The following RTN1 variants were observed in gnomAD, a reference collection of about 807,000 sequenced individuals.
RTN1 encodes the protein reticulon-1.
RTN1 carries 25 observed loss-of-function variants against 65.5 expected under a neutral mutation model. The ratio of observed to expected loss-of-function variants is 0.38; its 90% CI spans 0.28 to 0.53. The LOEUF (loss-of-function observed/expected upper bound fraction) is 0.53. Ranked by LOEUF, RTN1 falls within the 20% of genes least tolerant of loss-of-function variation. The pLI is 0.79. For missense variants in RTN1, 983 were observed against 1,025.4 expected, an observed-to-expected ratio of 0.96 and a Z score of 0.57; for synonymous variants, 471 against 447.6, an observed-to-expected ratio of 1.05 and a Z score of -0.66.
At chr14:59,702,905 C>T (rs1419872631) in intron 3 of RTN1, among the ~76,000 whole-genome samples, 1 of 152,208 alleles carries the variant, frequency 6.6e-6, no homozygotes, top group Non-Finnish European at 1.5e-5. Context: ...CTTCCAGCCA[C>T]CCTGGCTTCC....
intron 1 of RTN1, among the ~76,000 whole-genome samples, chr14:59,823,558 T>C (rs1381772151): frequency 3.3e-5 from 5 of 152,146 alleles, no homozygotes; most frequent in African/African-American, 9.7e-5. Context: ...AAAAAATTCT[T>C]GGTTGGAATT....
intron 3 of RTN1, among the ~76,000 whole-genome samples, chr14:59,700,086 G>A (rs1884146993): frequency 6.6e-6 from 1 of 151,968 alleles, no homozygotes; most frequent in Non-Finnish European, 1.5e-5. Flanking sequence ...AATGAATATG[G>A]CTTCATTCTG....
intron 8 of RTN1, among the ~76,000 whole-genome samples, chr14:59,597,530 T>C (rs1881440349): frequency 6.6e-6 from 1 of 152,228 alleles, no homozygotes; most frequent in South Asian, 2.1e-4. Context: ...CTCTGTGCCA[T>C]GAGGTACCCT....
chr14:59,708,975 A>C (rs1460816113), intron 3 of RTN1, among the ~76,000 whole-genome samples: 1 of 152,168 alleles, frequency 6.6e-6, no homozygotes, highest in East Asian at 1.9e-4. Flanking sequence ...AAGTTGAGAG[A>C]TTTTTGCTCA....
At chr14:59,738,814 C>T (rs1222741855) in intron 2 of RTN1, among the ~76,000 whole-genome samples, 1 of 152,192 alleles carries the variant, frequency 6.6e-6, no homozygotes, top group African/African-American at 2.4e-5. Flanking sequence ...GAATACTATG[C>T]ATCCATAAAA....
At chr14:59,667,316 A>G (rs1883401328) in intron 3 of RTN1, among the ~76,000 whole-genome samples, 1 of 152,210 alleles carries the variant, frequency 6.6e-6, no homozygotes, top group African/African-American at 2.4e-5. Flanking sequence ...TATGCAAATC[A>G]ATAAATGTAA....
At chr14:59,654,769 C>G (rs1374163242) in intron 3 of RTN1, among the ~76,000 whole-genome samples, 1 of 151,962 alleles carries the variant, frequency 6.6e-6, no homozygotes, top group Admixed American at 6.6e-5. Context: ...AAAACGACAA[C>G]AAGAACAACA....
At chr14:59,838,925 A>G (rs1018857611) in intron 1 of RTN1, among the ~76,000 whole-genome samples, 1 of 152,130 alleles carries the variant, frequency 6.6e-6, no homozygotes, top group Non-Finnish European at 1.5e-5. Flanking sequence ...TAAATATTGC[A>G]ATTTCCCTCC....
intron 1 of RTN1, among the ~76,000 whole-genome samples, chr14:59,853,408 A>G (rs752922085): frequency 5.3e-5 from 8 of 152,164 alleles, no homozygotes; most frequent in Non-Finnish European, 1.2e-4. Context: ...AGTCACATAA[A>G]CATGCCCAGA....
intron 3 of RTN1, among the ~76,000 whole-genome samples, chr14:59,623,134 T>C (rs1285800830): frequency 6.6e-6 from 1 of 152,248 alleles, no homozygotes; most frequent in African/African-American, 2.4e-5. Flanking sequence ...GCTGCTTTTC[T>C]TCCACGAGAG....
chr14:59,617,932 C>A (rs1441065915), intron 3 of RTN1, among the ~76,000 whole-genome samples: 4 of 152,258 alleles, frequency 2.6e-5, no homozygotes, highest in African/African-American at 7.2e-5. Flanking sequence ...CAATCAATGG[C>A]CTTGTCCCAT....
intron 1 of RTN1, among the ~76,000 whole-genome samples, chr14:59,789,850 A>G (rs1446882265): frequency 6.6e-6 from 1 of 152,118 alleles, no homozygotes; most frequent in Admixed American, 6.6e-5. Context: ...AAGAACTGAT[A>G]GGTATCAAAA....
At chr14:59,703,036 A>G (rs1026256975) in intron 3 of RTN1, among the ~76,000 whole-genome samples, 1 of 151,912 alleles carries the variant, frequency 6.6e-6, no homozygotes, top group Non-Finnish European at 1.5e-5. Context: ...CCTTCCTTAA[A>G]TCTTTGCTCC....
chr14:59,726,448 C>G (rs1178324163), intron 3 of RTN1, among the ~76,000 whole-genome samples: 1 of 152,156 alleles, frequency 6.6e-6, no homozygotes, highest in Non-Finnish European at 1.5e-5. Context: ...AAGGATGGAG[C>G]TGAGCTCCAT....
At chr14:59,698,201 G>C (rs1370750010) in intron 3 of RTN1, among the ~76,000 whole-genome samples, 4 of 152,144 alleles carry the variant, frequency 2.6e-5, no homozygotes. Flanking sequence ...ATGTTCATAA[G>C]ATTTTTAAAA....
intron 3 of RTN1, among the ~76,000 whole-genome samples, chr14:59,622,754 T>G (rs1020733103): frequency 1.3e-5 from 2 of 152,194 alleles, no homozygotes; most frequent in Non-Finnish European, 2.9e-5. Context: ...CTTCTAGTCA[T>G]GAGTTTCATT....
At chr14:59,606,775 T>C (rs1216157568) in intron 4 of RTN1, among the ~76,000 whole-genome samples, 1 of 152,202 alleles carries the variant, frequency 6.6e-6, no homozygotes, top group Non-Finnish European at 1.5e-5. Context: ...TATAAAAATG[T>C]AGAGGAGGAT....
At chr14:59,770,751 T>A (rs1045866816) in intron 1 of RTN1, among the ~76,000 whole-genome samples, 1 of 152,116 alleles carries the variant, frequency 6.6e-6, no homozygotes, top group African/African-American at 2.4e-5. Flanking sequence ...TAACCTTAAA[T>A]ACTTTATTTA....
intron 3 of RTN1, among the ~76,000 whole-genome samples, chr14:59,686,377 A>G (rs1363247420): frequency 1.3e-5 from 2 of 152,250 alleles, no homozygotes; most frequent in Non-Finnish European, 2.9e-5. Context: ...AACAGAATGA[A>G]GAGACTACCT....
Sources: gnomAD v4.1 joint callset for allele counts (sites outside exome capture counted in the v4.1 genomes callset) on GRCh38, gnomAD v4.1.1 for gene constraint, MANE v1.5 for transcripts, NCBI Gene and HGNC (gene_info 2026-07-23, HGNC 2026-07-21) for gene names.